The following ABCA6 variants were observed in gnomAD, a reference collection of about 807,000 sequenced individuals.
ABCA6 encodes ATP-binding cassette sub-family A member 6.
ABCA6 carries 164 observed loss-of-function variants against 191.2 expected under a neutral mutation model. The observed-to-expected ratio is 0.86, with a 90% CI of 0.76 to 0.98. The LOEUF is 0.98. Among genes scored for constraint, ABCA6 ranks in the 50% least tolerant of loss-of-function variants. ABCA6 has a pLI of 0.00. For missense variants in ABCA6, 1,958 were observed against 1,894.1 expected, an observed-to-expected ratio of 1.03 and a Z score of -0.63; for synonymous variants, 636 against 647.7, an observed-to-expected ratio of 0.98 and a Z score of 0.27.
chr17:69,124,665 T>C (rs1181851804), intron 9 of ABCA6, among the ~76,000 whole-genome samples: 2 of 151,974 alleles, frequency 1.3e-5, no homozygotes, highest in Non-Finnish European at 2.9e-5. Context: ...ATAATTATTG[T>C]TGTCATATAA....
intron 30 of ABCA6, 54 bp downstream of exon 30, chr17:69,086,564 T>G: frequency 8.5e-7 from 1 of 1,173,604 alleles, no homozygotes; most frequent in Non-Finnish European, 1.2e-6. Context: ...GACATAGATG[T>G]TCGGTAGGTA....
rs2072673919 is a variant in ABCA6, at chr17:69,082,807, A to G, written c.4616+66T>C. ...CCAAATCACTATGAAGTTCTCACAC[A>G]GCAAAAAGGAAACCACTGAGTGGAT... On this transcript the variant is annotated intron_variant, in intron 36 of 38. Coordinates refer to ENST00000284425, the MANE Select transcript of ABCA6 (RefSeq NM_080284.3). 3 of 1,589,502 alleles carry G rather than the reference A, an allele frequency of 1.9e-6. No homozygotes were observed. The Admixed American group carries it at 5.5e-5, about 29-fold the overall frequency.
At position 69,113,755 on chromosome 17, in the gene ABCA6, C is replaced by A; in HGVS notation, c.1783-18G>T. 1 of 1,599,254 alleles carries A rather than the reference C, an allele frequency of 6.3e-7. No homozygotes were observed. The highest frequency in any genetic ancestry group is 8.5e-7 in the Non-Finnish European group (1 of 1,172,968). On this transcript the variant is annotated intron_variant, in intron 13 of 38. Transcript: ENST00000284425. ...CGTTGTACCTATATGAGAAAATACG[C>A]AACTTTTAAAATCCAAAATGAAGAA...
At chr17:69,133,442 G>A (rs752860769) in intron 6 of ABCA6, among the ~76,000 whole-genome samples, 199 bp downstream of exon 6, 3 of 152,040 alleles carry the variant, frequency 2.0e-5, no homozygotes, top group East Asian at 1.9e-4. Flanking sequence ...AGACATTCAC[G>A]GCACAGAAAA....
chr17:69,133,718 T>C lies in ABCA6; in HGVS notation c.714A>G (p.Ile238Met), dbSNP rs1266124923. 1.9e-6 allele frequency: 3 copies of C among 1,611,814 alleles called. No individual in the cohort carries two copies. The highest frequency in any genetic ancestry group is 2.5e-6 in the Non-Finnish European group (3 of 1,178,454). ...TTCTCTCTTTTGTTACATTGAGTGA[T>C]ATAAAATATACAAGTGGGGAGAAAT... ...LLHFSPLVYF[I>M]SLNVTKERKK... Residue 238 changes from isoleucine (I) to methionine (M), a missense_variant, in exon 6 of 39, where the codon ATA becomes ATG. Coordinates refer to ENST00000284425, the MANE Select transcript of ABCA6 (RefSeq NM_080284.3).
Position 69,087,622 on chromosome 17 carries a change from G to T in ABCA6, c.3699-149C>A, listed in dbSNP as rs1479306521. The T allele has an allele frequency of 3.8e-6, 4 of 1,050,372 alleles. No individual in the cohort carries two copies. In the East Asian group the frequency reaches 9.8e-5, roughly 26 times the overall value. 65.1% of individuals were successfully genotyped at this position (1,050,372 alleles called of 1,614,324 possible). A position where few individuals can be genotyped will look rare whatever the true frequency, so the allele number is the denominator to read the frequency against. ...GACTGTCAATATTGCTTCTGCTTTT[G>T]CCAAGAACTCCTGTCCCACTAGCCA... On this transcript the variant is annotated intron_variant, in intron 28 of 38. Coordinates refer to ENST00000284425, the MANE Select transcript of ABCA6 (RefSeq NM_080284.3).
rs992034652 is a variant in ABCA6 at position 69,100,866 on chromosome 17, G to A, written c.2943C>T (p.Ile981=). 2.5e-6 allele frequency: 4 copies of A among 1,611,842 alleles called. No individual in the cohort carries two copies. Among genetic ancestry groups the A allele is most frequent in the African/African-American group, 1.3e-5 (1 of 74,930 alleles). Residue 981 remains isoleucine, a synonymous_variant, in exon 22 of 39, where the codon ATC becomes ATT. Transcript: ENST00000284425. ...TAAACATTTGAAGTAGCCCATTGCT[G>A]ATAATATTCATAAGAATTGGAAAAC... is the stretch of plus-strand genomic sequence containing the variant. The part of the protein sequence containing the change: ...LHCFPILMNI[I]SNGLLQMFNH...
chr17:69,107,559 C>T (rs1377358922), intron 18 of ABCA6, 137 bp downstream of exon 18: 1 of 648,910 alleles, frequency 1.5e-6, no homozygotes, highest in Non-Finnish European at 2.7e-6. Context: ...TAATGACAGC[C>T]CATCTCAAAC....
chr17:69,133,129 A>G (rs1244556383), intron 6 of ABCA6, among the ~76,000 whole-genome samples: 1 of 152,182 alleles, frequency 6.6e-6, no homozygotes, highest in Non-Finnish European at 1.5e-5. Flanking sequence ...GGGCTCTCTC[A>G]TTTTATTCCA....
intron 16 of ABCA6, chr17:69,111,724 T>A (rs1475811401): frequency 1.9e-5 from 3 of 154,296 alleles, no homozygotes; most frequent in Non-Finnish European, 4.3e-5. Flanking sequence ...ATTAGCAGCA[T>A]GAGAACAGAC....
intron 21 of ABCA6, among the ~76,000 whole-genome samples, chr17:69,101,422 C>T (rs2073177460): frequency 6.6e-6 from 1 of 151,938 alleles, no homozygotes; most frequent in Admixed American, 6.6e-5. Context: ...TAGCAAAACC[C>T]TATGTTTACT....
At chr17:69,120,916 C>T (rs2073628398) in intron 10 of ABCA6, among the ~76,000 whole-genome samples, 1 of 151,932 alleles carries the variant, frequency 6.6e-6, no homozygotes, top group Non-Finnish European at 1.5e-5. Context: ...TTTTTACAAA[C>T]CCAGAATCAT....
Position 69,137,486 on chromosome 17 carries a change from T to A in ABCA6, c.111A>T (p.Ser37=), listed in dbSNP as rs755178178. The A allele has an allele frequency of 6.2e-6, 10 of 1,612,738 alleles. No homozygotes were observed. Among genetic ancestry groups the A allele is most frequent in the Non-Finnish European group, 8.5e-6 (10 of 1,179,432 alleles). The part of the protein sequence containing the change: ...KRESLLEWGL[S]ILLGLCIALF... ...GAGCAATACACAGTCCTAGAAGTAT[T>A]GAGAGGCCCCATTCCTGTAATGCAT... Residue 37 remains serine (S), a synonymous_variant, in exon 3 of 39, where the codon TCA becomes TCT. Transcript: ENST00000284425.
chr17:69,128,571 C>A, intron 8 of ABCA6, 48 bp downstream of exon 8: 1 of 1,473,832 alleles, frequency 6.8e-7, no homozygotes, highest in South Asian at 1.3e-5. Flanking sequence ...TATGAAGTAT[C>A]TACTTCTTTT....
intron 28 of ABCA6, 132 bp from the exon 29 acceptor site, chr17:69,087,605 A>T: frequency 8.1e-7 from 1 of 1,233,568 alleles, no homozygotes; most frequent in East Asian, 2.4e-5. Flanking sequence ...ATGACTGTCA[A>T]TATTGCTTCT....
Position 69,114,899 on chromosome 17 carries a change from G to T in ABCA6, c.1645C>A (p.Gln549Lys), listed in dbSNP as rs1201188066. 1.2e-6 allele frequency: 2 copies of T among 1,611,428 alleles called. No individual in the cohort carries two copies. Among genetic ancestry groups the T allele is most frequent in the Non-Finnish European group, 1.7e-6 (2 of 1,178,580 alleles). ...ATCTTTCTGATTTCCTCCAAGTCTT[G>T]CATTTCAGAGAGATTTTTATTATAG... ...TIYNKNLSEM[Q>K]DLEEIRKITG... Residue 549 changes from glutamine (Q) to lysine (K), a missense_variant, in exon 13 of 39, where the codon CAA becomes AAA. Coordinates refer to ENST00000284425, the MANE Select transcript of ABCA6 (RefSeq NM_080284.3).
At position 69,112,192 on chromosome 17, in the gene ABCA6, T is replaced by C; in HGVS notation, c.2123A>G (p.Tyr708Cys). 6.2e-7 allele frequency: 1 copy of C among 1,609,180 alleles called. No homozygotes were observed. The highest frequency in any genetic ancestry group is 8.5e-7 in the Non-Finnish European group (1 of 1,176,052). The change falls in exon 16 of 39, where the codon TAT becomes TGT. Residue 708 changes from tyrosine to cysteine, a missense_variant. Physicochemically the swap from Tyr to Cys is radical, Grantham distance 194. Coordinates refer to ENST00000284425, the MANE Select transcript of ABCA6 (RefSeq NM_080284.3). ...MFLKRRWGLG[Y>C]HLSLHRNEIC... Reference sequence around the variant, plus strand: ...TTCCCAAAGTCTTTACCTTAGGTGATATCCAAGACCCCACCTTCTTTTCAA... The same window carrying C: ...TTCCCAAAGTCTTTACCTTAGGTGACATCCAAGACCCCACCTTCTTTTCAA...
At chr17:69,091,346 A>C in intron 25 of ABCA6, 84 bp from the exon 26 acceptor site, 57 of 1,442,558 alleles carry the variant, frequency 4.0e-5, no homozygotes, top group Non-Finnish European at 4.8e-5. Flanking sequence ...AGGTGTTCTC[A>C]TGATGTATAT....
At chr17:69,131,664 T>C (rs375507808) in intron 6 of ABCA6, among the ~76,000 whole-genome samples, 9 of 152,310 alleles carry the variant, frequency 5.9e-5, no homozygotes, top group South Asian at 2.1e-4. Flanking sequence ...TGTCATAAAG[T>C]TTATTTCCAC....
Sources: gnomAD v4.1 joint callset for allele counts (sites outside exome capture counted in the v4.1 genomes callset) on GRCh38, gnomAD v4.1.1 for gene constraint, MANE v1.5 for transcripts, NCBI Gene and HGNC (gene_info 2026-07-23, HGNC 2026-07-21) for gene names.